Variants in FAR2 observed in about 807,000 individuals in gnomAD.
FAR2 encodes the protein fatty acyl-CoA reductase 2.
A neutral mutation model predicts 56.0 loss-of-function variants in FAR2; 19 were observed. That is an observed-to-expected ratio of 0.34 (90% CI 0.24 to 0.50). The LOEUF is 0.50. Among genes scored for constraint, FAR2 ranks in the 20% least tolerant of loss-of-function variants. The pLI is 0.98. For synonymous variants in FAR2, 219 were observed against 218.8 expected (o/e 1.00, Z -0.01); for missense variants, 508 against 642.2 (o/e 0.79, Z 2.26).
chr12:29,307,857 CTG>C lies in FAR2; in HGVS notation c.723+26_723+27del, dbSNP rs780691852. Reference sequence around the variant, plus strand: ...CCCAGTAAGCCCACTTACCTGGATTCTGTGTTTTGCTTCCAAACTAAGGTTCT... The same window carrying C: ...CCCAGTAAGCCCACTTACCTGGATTCTGTTTTGCTTCCAAACTAAGGTTCT... On this transcript the variant is annotated intron_variant, in intron 5 of 11. Transcript: ENST00000536681. 3.1e-6 allele frequency: 5 copies of C among 1,592,766 alleles called. No homozygotes were observed. The South Asian group carries it at 5.7e-5, about 18-fold the overall frequency.
chr12:29,152,188 G>A (rs1282349156), intron 1 of FAR2, among the ~76,000 whole-genome samples: 6 of 152,200 alleles, frequency 3.9e-5, no homozygotes, highest in African/African-American at 9.7e-5. Flanking sequence ...TCATCCAAAC[G>A]TCGAACGGTG....
At chr12:29,257,265 G>A (rs1342136552) in intron 1 of FAR2, among the ~76,000 whole-genome samples, 2 of 152,032 alleles carry the variant, frequency 1.3e-5, no homozygotes, top group Non-Finnish European at 2.9e-5. Context: ...ACTGTATCTA[G>A]CTACTCTGGT....
chr12:29,235,327 T>C (rs1457758869), intron 1 of FAR2, among the ~76,000 whole-genome samples: 4 of 152,216 alleles, frequency 2.6e-5, no homozygotes, highest in Non-Finnish European at 4.4e-5. Flanking sequence ...AGCTGGGATT[T>C]AATAAGTGCC....
intron 9 of FAR2, among the ~76,000 whole-genome samples, chr12:29,318,052 G>A (rs577277816): frequency 6.6e-6 from 1 of 152,210 alleles, no homozygotes; most frequent in South Asian, 2.1e-4. Flanking sequence ...TTATGTGTCA[G>A]AGGAGTCATT....
At chr12:29,156,601 A>G (rs181711150) in intron 1 of FAR2, 1 of 152,314 alleles carries the variant, frequency 6.6e-6, no homozygotes, top group East Asian at 1.9e-4. Context: ...TGGATTTCCT[A>G]TGAGTAGTCG....
intron 4 of FAR2, among the ~76,000 whole-genome samples, chr12:29,305,375 C>T (rs1265748399): frequency 1.3e-5 from 2 of 152,014 alleles, no homozygotes; most frequent in African/African-American, 2.4e-5. Context: ...TGGACTCAAA[C>T]GATCCTCCTT....
At chr12:29,227,878 T>TAAA (rs111448541) in intron 1 of FAR2, among the ~76,000 whole-genome samples, 3 of 147,030 alleles carry the variant, frequency 2.0e-5, no homozygotes, top group Non-Finnish European at 3.0e-5. Flanking sequence ...TTTGCTAAGG[T>TAAA]AAAAAAAAAA....
At position 29,261,864 on chromosome 12, in the gene FAR2, C is replaced by A. The variant is rs1461468699; in HGVS notation, c.-38-8548C>A. Among the ~76,000 whole-genome samples the A allele has an allele frequency of 2.6e-5, 4 of 152,184 alleles. No homozygotes were observed. In the South Asian group the frequency reaches 6.2e-4, roughly 24 times the overall value. ...AAGGAGAAATAAAGACCTTCCCAGA[C>A]AAACAAAAGCTGAGGGATTTCATCA... On this transcript the variant is annotated intron_variant, in intron 1 of 11. Coordinates refer to ENST00000536681, the MANE Select transcript of FAR2 (RefSeq NM_001271783.2).
At chr12:29,264,616 AAAAT>A (rs148784734) in intron 1 of FAR2, among the ~76,000 whole-genome samples, 9,136 of 130,048 alleles carry the variant, frequency 0.07, 380 homozygotes, top group South Asian at 0.13. Context: ...ATCCTGTCTC[AAAAT>A]AAATAAATAA....
chr12:29,284,199 G>A (rs1174967554), intron 2 of FAR2, among the ~76,000 whole-genome samples: 1 of 152,198 alleles, frequency 6.6e-6, no homozygotes, highest in Non-Finnish European at 1.5e-5. Flanking sequence ...GAATGAGTGT[G>A]AGCTCAGACA....
chr12:29,189,296 AT>A (rs1565686404), intron 1 of FAR2, among the ~76,000 whole-genome samples: 1 of 152,246 alleles, frequency 6.6e-6, no homozygotes, highest in Non-Finnish European at 1.5e-5. Flanking sequence ...AATAATCCAA[AT>A]ACTACGTTAT....
rs1241371764 is a variant in FAR2, at chr12:29,174,786, C to T, written c.-39+25379C>T. 3.3e-5 allele frequency among the ~76,000 whole-genome samples: 5 copies of T among 152,166 alleles called. No individual in the cohort carries two copies. In the East Asian group the frequency reaches 5.8e-4, roughly 18 times the overall value. On this transcript the variant is annotated intron_variant, in intron 1 of 11. Coordinates refer to ENST00000536681, the MANE Select transcript of FAR2 (RefSeq NM_001271783.2). The stretch of plus-strand genomic sequence containing the variant: ...GGCGAGAAGAAGTTTGTCTGACAGG[C>T]GTTAGGACCCAGGAGGCAAGGGTCA...
chr12:29,324,907 C>T (rs997012788), intron 10 of FAR2, among the ~76,000 whole-genome samples: 1 of 151,858 alleles, frequency 6.6e-6, no homozygotes, highest in Non-Finnish European at 1.5e-5. Flanking sequence ...CAATACTAAC[C>T]TTAAATGTAA....
chr12:29,217,702 T>A (rs1373050918), intron 1 of FAR2, among the ~76,000 whole-genome samples: 1 of 152,180 alleles, frequency 6.6e-6, no homozygotes, highest in Non-Finnish European at 1.5e-5. Context: ...ACAGTATGCC[T>A]CTCTGGAGAA....
In FAR2 at chr12:29,333,909, CT is replaced by C. The variant is rs934979396; in HGVS notation, c.*116del. The C allele has an allele frequency of 1.0e-6, 1 of 979,416 alleles. No homozygotes were observed. The highest frequency in any genetic ancestry group is 2.4e-5 in the Admixed American group (1 of 42,080). The allele number at this position is 979,416 out of a possible 1,614,324, so 60.7% of individuals were successfully genotyped here. On this transcript the variant is annotated 3_prime_UTR_variant, in exon 12 of 12. Transcript: ENST00000536681. The stretch of plus-strand genomic sequence containing the variant: ...ATATGCCCAAACTGTCAAATGTCAC[CT>C]GTTATGTATTCGTCCCTATTCCTTA...
At chr12:29,218,298 G>A (rs1029603421) in intron 1 of FAR2, among the ~76,000 whole-genome samples, 2 of 151,500 alleles carry the variant, frequency 1.3e-5, no homozygotes, top group Non-Finnish European at 2.9e-5. Context: ...GGTGGAGCTT[G>A]CAGTGAGCCG....
At chr12:29,188,768 T>A (rs1222435911) in intron 1 of FAR2, among the ~76,000 whole-genome samples, 2 of 151,690 alleles carry the variant, frequency 1.3e-5, no homozygotes, top group East Asian at 3.9e-4. Flanking sequence ...TGTTTGATTG[T>A]TTGTTTTTTG....
At chr12:29,207,512 C>T (rs1311603368) in intron 1 of FAR2, among the ~76,000 whole-genome samples, 2 of 152,144 alleles carry the variant, frequency 1.3e-5, no homozygotes, top group East Asian at 1.9e-4. Context: ...CAAAGGGAGT[C>T]GGCACTATCA....
At chr12:29,292,484 A>T (rs1948986766) in intron 2 of FAR2, among the ~76,000 whole-genome samples, 2 of 152,240 alleles carry the variant, frequency 1.3e-5, no homozygotes, top group African/African-American at 4.8e-5. Flanking sequence ...ATTAACTATC[A>T]AGAGGGAAAA....
Sources: gnomAD v4.1 joint callset for allele counts (sites outside exome capture counted in the v4.1 genomes callset) on GRCh38, gnomAD v4.1.1 for gene constraint, MANE v1.5 for transcripts, NCBI Gene and HGNC (gene_info 2026-07-23, HGNC 2026-07-21) for gene names.